Variants in AJAP1 observed in about 807,000 individuals in gnomAD.
AJAP1 encodes adherens junctions associated protein 1, also known as adherens junction-associated protein 1.
A neutral mutation model predicts 35.0 loss-of-function variants in AJAP1; 5 were observed. That is an observed-to-expected ratio of 0.14 (90% confidence interval 0.07 to 0.30). The LOEUF (loss-of-function observed/expected upper bound fraction) is 0.30. AJAP1 is among the 10% of genes least tolerant of loss of function. AJAP1 has a pLI of 1.00. For synonymous variants in AJAP1, 284 were observed against 249.3 expected (o/e 1.14, Z -1.31); for missense variants, 586 against 571.0 (o/e 1.03, Z -0.27).
At chr1:4,672,420 A>G (rs1639270196) in intron 1 of AJAP1, among the ~76,000 whole-genome samples, 2 of 152,208 alleles carry the variant, frequency 1.3e-5, no homozygotes, top group Admixed American at 1.3e-4. Context: ...CCCACATGAC[A>G]TGCTGATATT....
chr1:4,764,630 G>A (rs1194026272), intron 2 of AJAP1, among the ~76,000 whole-genome samples: 3 of 152,204 alleles, frequency 2.0e-5, no homozygotes, highest in Admixed American at 6.5e-5. Context: ...CTTGTTGCAT[G>A]ACAGACATTT....
rs114416707 is a variant in AJAP1 at position 4,657,585 on chromosome 1, A to G, written c.29+2131A>G. ...AAGCCACTCCGCGGCTCCCTAGGTGAGCACTGGGCGTCTTGCTGCCAAGCT... is the reference window on the plus strand; with the variant it reads ...AAGCCACTCCGCGGCTCCCTAGGTGGGCACTGGGCGTCTTGCTGCCAAGCT... On this transcript the variant is annotated intron_variant, in intron 1 of 5. Transcript: ENST00000378191. Among the ~76,000 whole-genome samples, 1,378 of 152,242 alleles carry G rather than the reference A, an allele frequency of 9.1e-3. 14 individuals are homozygous for G. Among genetic ancestry groups the G allele is most frequent in the South Asian group, 0.026 (125 of 4,824 alleles).
chr1:4,692,241 C>T lies in AJAP1; in HGVS notation c.30-19659C>T, dbSNP rs568776262. On this transcript the variant is annotated intron_variant, in intron 1 of 5. Coordinates refer to ENST00000378191, the MANE Select transcript of AJAP1 (RefSeq NM_018836.4). This position sits in a 1 kb window ranked among gnomAD's most constrained non-coding sequence, Gnocchi z 4.4. Reference sequence around the variant, plus strand: ...GCAGGCTCCTGCTGCTGCCTCCCGCCGCTGCCTCCCGCCACCAGGACAGGG... The same window carrying T: ...GCAGGCTCCTGCTGCTGCCTCCCGCTGCTGCCTCCCGCCACCAGGACAGGG... 2.6e-5 allele frequency among the ~76,000 whole-genome samples: 4 copies of T among 152,254 alleles called. No individual in the cohort carries two copies. The highest frequency in any genetic ancestry group is 2.1e-4 in the South Asian group (1 of 4,826).
At chr1:4,729,083 AT>A (rs1400605730) in intron 2 of AJAP1, among the ~76,000 whole-genome samples, 1 of 152,228 alleles carries the variant, frequency 6.6e-6, no homozygotes, top group Non-Finnish European at 1.5e-5. Context: ...TGGAAAAAAA[AT>A]CATTGAAATG....
At chr1:4,781,119 G>T (rs1429741942) in intron 5 of AJAP1, among the ~76,000 whole-genome samples, 1 of 152,184 alleles carries the variant, frequency 6.6e-6, no homozygotes, top group Non-Finnish European at 1.5e-5. Context: ...GATCAGGGAC[G>T]CAGTGCTGTG....
chr1:4,759,499 G>T (rs555878034), intron 2 of AJAP1, among the ~76,000 whole-genome samples: 1 of 152,008 alleles, frequency 6.6e-6, no homozygotes, highest in Non-Finnish European at 1.5e-5. Context: ...GCCCAGCCCC[G>T]TGTCTTCTGC....
chr1:4,740,581 C>T (rs879691505), intron 2 of AJAP1, among the ~76,000 whole-genome samples: 5 of 151,630 alleles, frequency 3.3e-5, no homozygotes, highest in Non-Finnish European at 4.4e-5. Context: ...GTCAGGAGAT[C>T]GAGACCATCC....
chr1:4,726,493 A>T (rs1640662696), intron 2 of AJAP1, among the ~76,000 whole-genome samples: 1 of 152,008 alleles, frequency 6.6e-6, no homozygotes, highest in Non-Finnish European at 1.5e-5. Context: ...TGCTCCTGGG[A>T]TGGCAGCAAG....
intron 2 of AJAP1, among the ~76,000 whole-genome samples, chr1:4,732,591 A>G (rs1443830182): frequency 2.6e-5 from 4 of 152,240 alleles, no homozygotes; most frequent in Non-Finnish European, 4.4e-5. Flanking sequence ...CAGTGCTGTA[A>G]CTTACTGTCA....
In AJAP1 at chr1:4,776,031, T is replaced by C. The variant is rs147759705; in HGVS notation, c.*59+1473T>C. ...CTCTGTTATGATTTTTAAAATTTGTTAATGCACAATTCATTGACCTGGGAG... is the reference window on the plus strand; with the variant it reads ...CTCTGTTATGATTTTTAAAATTTGTCAATGCACAATTCATTGACCTGGGAG... On this transcript the variant is annotated intron_variant, in intron 5 of 5. Coordinates refer to ENST00000378191, the MANE Select transcript of AJAP1 (RefSeq NM_018836.4). Among the ~76,000 whole-genome samples, 748 of 152,356 alleles carry C rather than the reference T, an allele frequency of 4.9e-3. 52 individuals carry two copies. The South Asian group carries it at 0.12, about 25-fold the overall frequency.
intron 2 of AJAP1, among the ~76,000 whole-genome samples, chr1:4,751,106 C>T (rs1641310617): frequency 6.6e-6 from 1 of 152,022 alleles, no homozygotes; most frequent in African/African-American, 2.4e-5. Context: ...GCCTCTCGCT[C>T]CCCTGGCTGC....
intron 2 of AJAP1, among the ~76,000 whole-genome samples, chr1:4,724,780 CT>C (rs1243668338): frequency 1.3e-5 from 2 of 152,222 alleles, no homozygotes; most frequent in Admixed American, 1.3e-4. Context: ...TTAGAGACAG[CT>C]GCAGGGAACG....
chr1:4,672,271 C>G (rs970497365), intron 1 of AJAP1, among the ~76,000 whole-genome samples: 11 of 152,092 alleles, frequency 7.2e-5, no homozygotes, highest in Admixed American at 5.2e-4. Flanking sequence ...TGAAGGAGCG[C>G]CAAGCATATC....
intron 1 of AJAP1, among the ~76,000 whole-genome samples, chr1:4,660,413 C>T (rs151248227): frequency 6.6e-5 from 10 of 151,932 alleles, no homozygotes; most frequent in Non-Finnish European, 1.3e-4. Flanking sequence ...TGACTATATC[C>T]GTGTCACAAT....
chr1:4,740,801 A>G (rs1024930937), intron 2 of AJAP1, among the ~76,000 whole-genome samples: 1 of 148,270 alleles, frequency 6.7e-6, no homozygotes, highest in Non-Finnish European at 1.5e-5. Context: ...AAAAAAAAAA[A>G]AAAAGCGGGG....
At chr1:4,668,621 C>G (rs1462047862) in intron 1 of AJAP1, among the ~76,000 whole-genome samples, 1 of 152,158 alleles carries the variant, frequency 6.6e-6, no homozygotes, top group Non-Finnish European at 1.5e-5. Context: ...CTGAGGACTC[C>G]AAGAGGAGTG....
intron 5 of AJAP1, among the ~76,000 whole-genome samples, chr1:4,776,873 G>A (rs938417196): frequency 2.6e-5 from 4 of 152,180 alleles, no homozygotes; most frequent in Non-Finnish European, 2.9e-5. Context: ...TAGGTCGTCC[G>A]CAGAGTTCAG....
chr1:4,785,177 A>G lies in AJAP1; in HGVS notation c.*2692A>G, dbSNP rs556081453. On this transcript the variant is annotated 3_prime_UTR_variant, in exon 6 of 6. Coordinates refer to ENST00000378191, the MANE Select transcript of AJAP1 (RefSeq NM_018836.4). Reference sequence around the variant, plus strand: ...ATGCCCTGAACTCTTTCCTGGGTCCATAAGACATCGAGCCTTGGAAGGAAG... The same window carrying G: ...ATGCCCTGAACTCTTTCCTGGGTCCGTAAGACATCGAGCCTTGGAAGGAAG... The G allele has an allele frequency of 2.6e-5, 4 of 152,470 alleles. No individual in the cohort carries two copies. Among genetic ancestry groups the G allele is most frequent in the Admixed American group, 1.3e-4 (2 of 15,310 alleles). 9.4% of individuals were successfully genotyped at this position (152,470 alleles called of 1,614,324 possible).
intron 2 of AJAP1, among the ~76,000 whole-genome samples, chr1:4,755,390 A>G (rs1641405454): frequency 6.6e-6 from 1 of 151,814 alleles, no homozygotes; most frequent in Non-Finnish European, 1.5e-5. Flanking sequence ...GGCTGCATAG[A>G]GGTTTTAATG....
Sources: allele counts gnomAD v4.1 joint callset (sites outside exome capture counted in the v4.1 genomes callset), GRCh38; gene constraint gnomAD v4.1.1; non-coding constraint Gnocchi (gnomAD v3.1); transcripts MANE v1.5; gene names NCBI Gene and HGNC (gene_info 2026-07-23, HGNC 2026-07-21).